Variants in CNOT10 observed in about 807,000 individuals in gnomAD.
CNOT10 encodes CCR4-NOT transcription complex subunit 10.
In CNOT10, 30 loss-of-function variants were observed where a neutral mutation model predicts 94.6. That is an observed-to-expected ratio of 0.32 (90% CI 0.24 to 0.43). The LOEUF is 0.43. Among genes scored for constraint, CNOT10 ranks in the 20% least tolerant of loss-of-function variants. The pLI, the probability that CNOT10 is intolerant of heterozygous loss-of-function variation, is 1.00. For synonymous variants in CNOT10, 289 were observed against 301.6 expected (o/e 0.96, Z 0.43); for missense variants, 759 against 877.2 (o/e 0.87, Z 1.70).
intron 13 of CNOT10, among the ~76,000 whole-genome samples, chr3:32,749,401 G>A (rs945984378): frequency 4.1e-5 from 5 of 123,150 alleles, no homozygotes; most frequent in Non-Finnish European, 8.1e-5. Flanking sequence ...TCCATGTTGA[G>A]TTAATTTTTT....
At chr3:32,757,198 T>C (rs1233685038) in intron 13 of CNOT10, among the ~76,000 whole-genome samples, 2 of 139,518 alleles carry the variant, frequency 1.4e-5, no homozygotes, top group Non-Finnish European at 3.1e-5. Context: ...TTTTTTTTTG[T>C]GACGGAGTTT....
chr3:32,720,879 T>C, intron 8 of CNOT10, among the ~76,000 whole-genome samples: 1 of 128,694 alleles, frequency 7.8e-6, no homozygotes. Flanking sequence ...CTTCCTTCTT[T>C]CTTTTCCTTC....
intron 1 of CNOT10, among the ~76,000 whole-genome samples, chr3:32,702,564 A>T (rs1022819542): frequency 3.9e-5 from 6 of 152,170 alleles, no homozygotes; most frequent in African/African-American, 1.4e-4. Flanking sequence ...GCCTATGAAA[A>T]TATTCCTTGC....
At chr3:32,725,773 A>G (rs1442022113) in intron 9 of CNOT10, among the ~76,000 whole-genome samples, 174 bp downstream of exon 9, 3 of 152,238 alleles carry the variant, frequency 2.0e-5, no homozygotes, top group African/African-American at 7.2e-5. Flanking sequence ...TTGAAGAGCA[A>G]TAACAAGGTG....
chr3:32,750,848 C>T (rs573742228), intron 13 of CNOT10, among the ~76,000 whole-genome samples: 1 of 152,146 alleles, frequency 6.6e-6, no homozygotes, highest in Non-Finnish European at 1.5e-5. Context: ...CCGGGCCCAG[C>T]TATATAACAA....
At chr3:32,699,980 T>C (rs1373425865) in intron 1 of CNOT10, among the ~76,000 whole-genome samples, 4 of 150,504 alleles carry the variant, frequency 2.7e-5, no homozygotes, top group African/African-American at 7.3e-5. Flanking sequence ...AGTTTCTTTT[T>C]TTTTTTTTTT....
chr3:32,747,504 G>T (rs1699751073), intron 13 of CNOT10, among the ~76,000 whole-genome samples: 2 of 151,332 alleles, frequency 1.3e-5, no homozygotes, highest in African/African-American at 4.8e-5. Flanking sequence ...GTGTCTGTTA[G>T]AAAAATTTAA....
At chr3:32,741,739 A>G (rs953902964) in intron 13 of CNOT10, among the ~76,000 whole-genome samples, 2 of 149,544 alleles carry the variant, frequency 1.3e-5, no homozygotes, top group African/African-American at 4.9e-5. Flanking sequence ...ACTGCCCCCC[A>G]GCCTGGGCGA....
chr3:32,748,824 T>C (rs1316986451), intron 13 of CNOT10, among the ~76,000 whole-genome samples: 1 of 151,348 alleles, frequency 6.6e-6, no homozygotes, highest in African/African-American at 2.4e-5. Context: ...TTTTTGTTTT[T>C]GTGGTTTTTT....
chr3:32,692,051 CAAA>C (rs747328876), intron 1 of CNOT10, among the ~76,000 whole-genome samples: 17 of 66,468 alleles, frequency 2.6e-4, no homozygotes, highest in East Asian at 3.8e-4. Context: ...ACCCTGTCAC[CAAA>C]AAAAAAAAAA....
Position 32,720,237 on chromosome 3 carries a change from A to C in CNOT10, c.862+6A>C, listed in dbSNP as rs1249205194. On this transcript the variant is annotated splice_donor_region_variant and intron_variant, in intron 8 of 18. Coordinates refer to ENST00000328834, the MANE Select transcript of CNOT10 (RefSeq NM_015442.3). ...TCCAGGATTCATGAAAACAGGTAAA[A>C]GAAAATTGTGAAATTTTAACTTTTT... The C allele has an allele frequency of 6.9e-7, 1 of 1,455,626 alleles. No individual in the cohort carries two copies. The highest frequency in any genetic ancestry group is 2.3e-5 in the East Asian group (1 of 43,484). The allele number at this position is 1,455,626 out of a possible 1,614,324, so 90.2% of individuals were successfully genotyped here.
chr3:32,702,064 C>T (rs1278139476), intron 1 of CNOT10, among the ~76,000 whole-genome samples: 3 of 149,940 alleles, frequency 2.0e-5, no homozygotes, highest in South Asian at 2.1e-4. Flanking sequence ...TCCCAAAATG[C>T]TGGGATTACG....
chr3:32,685,636 T>C (rs1696562947), intron 1 of CNOT10, among the ~76,000 whole-genome samples, 154 bp downstream of exon 1: 1 of 152,012 alleles, frequency 6.6e-6, no homozygotes, highest in South Asian at 2.1e-4. Context: ...CGGCTGTCGC[T>C]AACATGAGTC....
intron 13 of CNOT10, among the ~76,000 whole-genome samples, chr3:32,755,901 T>C (rs1479985282): frequency 6.6e-6 from 1 of 152,140 alleles, no homozygotes; most frequent in Non-Finnish European, 1.5e-5. Flanking sequence ...GTCTCTTCCC[T>C]TGAGGTATAG....
chr3:32,696,875 G>T (rs576066370), intron 1 of CNOT10, among the ~76,000 whole-genome samples: 1 of 152,260 alleles, frequency 6.6e-6, no homozygotes, highest in African/African-American at 2.4e-5. Flanking sequence ...AGTGTGTCCA[G>T]CCCAGCTTAT....
intron 18 of CNOT10, among the ~76,000 whole-genome samples, chr3:32,773,197 C>A (rs1394752587): frequency 3.9e-5 from 6 of 152,184 alleles, no homozygotes; most frequent in Admixed American, 3.9e-4. Context: ...CCACCTATAA[C>A]AAGTTCTCTA....
At chr3:32,725,635 A>T in intron 9 of CNOT10, 36 bp downstream of exon 9, 1 of 1,549,640 alleles carries the variant, frequency 6.5e-7, no homozygotes, top group African/African-American at 1.4e-5. Flanking sequence ...TGTATTTACT[A>T]CTTCAGAAAA....
At chr3:32,767,394 C>G (rs899917429) in intron 17 of CNOT10, among the ~76,000 whole-genome samples, 2 of 151,962 alleles carry the variant, frequency 1.3e-5, no homozygotes, top group African/African-American at 4.8e-5. Flanking sequence ...TAGCACATGC[C>G]TGTAACCCCA....
At chr3:32,765,044 T>G in intron 17 of CNOT10, 1 of 1,371,128 alleles carries the variant, frequency 7.3e-7, no homozygotes, top group Non-Finnish European at 9.6e-7. Context: ...AATTTTTTTT[T>G]GCCAGGCACA....
Sources: allele counts gnomAD v4.1 joint callset (sites outside exome capture counted in the v4.1 genomes callset), GRCh38; gene constraint gnomAD v4.1.1; transcripts MANE v1.5; gene names NCBI Gene and HGNC (gene_info 2026-07-23, HGNC 2026-07-21).